Variants in IPCEF1 observed in about 807,000 individuals in gnomAD.
IPCEF1 encodes interactor protein for cytohesin exchange factors 1.
In IPCEF1, 31 loss-of-function variants were observed where a neutral mutation model predicts 50.9. That is an observed-to-expected ratio of 0.61 (90% CI 0.46 to 0.82). IPCEF1 has a LOEUF of 0.82. Ranked by LOEUF, IPCEF1 falls within the 40% of genes least tolerant of loss-of-function variation. The pLI is 0.00. For missense variants in IPCEF1, 458 were observed against 514.0 expected, an observed-to-expected ratio of 0.89 and a Z score of 1.05; for synonymous variants, 181 against 192.0, an observed-to-expected ratio of 0.94 and a Z score of 0.47.
chr6:154,228,459 T>A (rs1779446045), intron 5 of IPCEF1, among the ~76,000 whole-genome samples: 1 of 152,222 alleles, frequency 6.6e-6, no homozygotes, highest in Non-Finnish European at 1.5e-5. Context: ...TAGTCTTAAA[T>A]TCAGAAGAAA....
At chr6:154,255,829 A>C (rs2128648349) in intron 3 of IPCEF1, among the ~76,000 whole-genome samples, 1 of 152,298 alleles carries the variant, frequency 6.6e-6, no homozygotes, top group East Asian at 1.9e-4. Context: ...ATTGCAAGAA[A>C]GGTATTTTCT....
intron 3 of IPCEF1, among the ~76,000 whole-genome samples, chr6:154,249,021 T>C (rs1359575157): frequency 6.6e-6 from 1 of 152,188 alleles, no homozygotes; most frequent in Non-Finnish European, 1.5e-5. Context: ...CCAAGAAATA[T>C]TGCACTGACA....
intron 1 of IPCEF1, among the ~76,000 whole-genome samples, chr6:154,293,085 G>A (rs763935867): frequency 6.6e-6 from 1 of 152,160 alleles, no homozygotes; most frequent in African/African-American, 2.4e-5. Flanking sequence ...CCTCACAATC[G>A]CAGTGCTGTT....
At chr6:154,189,470 G>GA (rs1801671713) in intron 10 of IPCEF1, among the ~76,000 whole-genome samples, 1 of 151,750 alleles carries the variant, frequency 6.6e-6, no homozygotes, top group East Asian at 1.9e-4. Context: ...GCCACAGACT[G>GA]AAAGAAAAAA....
intron 5 of IPCEF1, among the ~76,000 whole-genome samples, chr6:154,233,923 G>A (rs77487994): frequency 2.0e-5 from 3 of 152,154 alleles, no homozygotes; most frequent in Non-Finnish European, 4.4e-5. Context: ...AATGCCCCCA[G>A]CTAGGCCGGA....
intron 2 of IPCEF1, among the ~76,000 whole-genome samples, chr6:154,276,879 C>CACTT (rs1363279958): frequency 1.3e-5 from 2 of 152,152 alleles, no homozygotes; most frequent in African/African-American, 4.8e-5. Context: ...AACTTTAGGA[C>CACTT]AAGTTAGAAT....
chr6:154,333,543 T>C (rs113656642), intron 1 of IPCEF1, among the ~76,000 whole-genome samples: 6,350 of 151,482 alleles, frequency 0.042, 187 homozygotes, highest in African/African-American at 0.077. Flanking sequence ...ACTTAATAAA[T>C]TCCCCTTTAT....
chr6:154,175,504 C>T (rs1460024385), intron 10 of IPCEF1, among the ~76,000 whole-genome samples: 1 of 151,824 alleles, frequency 6.6e-6, no homozygotes, highest in African/African-American at 2.4e-5. Context: ...CCACCAATCC[C>T]ACAGAAATAC....
At chr6:154,206,817 G>A (rs112986053) in intron 9 of IPCEF1, among the ~76,000 whole-genome samples, 9 of 152,350 alleles carry the variant, frequency 5.9e-5, no homozygotes, top group African/African-American at 2.2e-4. Flanking sequence ...AGGTACGAGG[G>A]CAGGAATGTC....
intron 1 of IPCEF1, among the ~76,000 whole-genome samples, chr6:154,352,408 C>T (rs1402773829): frequency 6.6e-6 from 1 of 152,180 alleles, no homozygotes. Context: ...TCTAACTTGA[C>T]TTAGTTTTCC....
chr6:154,239,972 G>A (rs983496689), intron 5 of IPCEF1, among the ~76,000 whole-genome samples: 1 of 152,192 alleles, frequency 6.6e-6, no homozygotes, highest in Non-Finnish European at 1.5e-5. Flanking sequence ...AAAGTGCTGG[G>A]ACTACAGGCG....
chr6:154,320,728 C>T lies in IPCEF1; in HGVS notation c.-61-30972G>A, dbSNP rs1391361839. Among the ~76,000 whole-genome samples the T allele has an allele frequency of 3.3e-5, 5 of 152,038 alleles. No homozygotes were observed. In the East Asian group the frequency reaches 5.8e-4, roughly 18 times the overall value. The stretch of plus-strand genomic sequence containing the variant: ...CCAAACAAAACTGTATATACATGGC[C>T]GGGCACTGTGGTACGAGCCTGTGAT... On this transcript the variant is annotated intron_variant, in intron 1 of 11. Transcript: ENST00000367220.
chr6:154,307,815 T>C (rs1255613780), intron 1 of IPCEF1, among the ~76,000 whole-genome samples: 1 of 151,986 alleles, frequency 6.6e-6, no homozygotes, highest in African/African-American at 2.4e-5. Flanking sequence ...AAAAACAGAG[T>C]AAAAATGAAT....
At chr6:154,269,262 G>T (rs942209491) in intron 2 of IPCEF1, among the ~76,000 whole-genome samples, 6 of 152,184 alleles carry the variant, frequency 3.9e-5, no homozygotes, top group Non-Finnish European at 8.8e-5. Context: ...CCATTAGAAA[G>T]CTCCTTCCCA....
At chr6:154,225,200 G>A (rs545389038) in intron 5 of IPCEF1, among the ~76,000 whole-genome samples, 81 of 152,246 alleles carry the variant, frequency 5.3e-4, no homozygotes, top group African/African-American at 1.9e-3. Flanking sequence ...TCATGTTGGT[G>A]CTCAAAAACT....
At chr6:154,210,104 C>A (rs965657199) in intron 9 of IPCEF1, among the ~76,000 whole-genome samples, 24 of 152,056 alleles carry the variant, frequency 1.6e-4, no homozygotes, top group African/African-American at 5.6e-4. Flanking sequence ...GAGCCATGAC[C>A]CCTTGTCTAA....
At chr6:154,169,467 G>A (rs756942229) in intron 10 of IPCEF1, among the ~76,000 whole-genome samples, 7 of 152,130 alleles carry the variant, frequency 4.6e-5, no homozygotes, top group Non-Finnish European at 1.0e-4. Flanking sequence ...CATGCAAGTC[G>A]ACAAATATCT....
At chr6:154,283,466 T>C (rs550564564) in intron 2 of IPCEF1, among the ~76,000 whole-genome samples, 163 of 147,786 alleles carry the variant, frequency 1.1e-3, no homozygotes, top group African/African-American at 3.8e-3. Context: ...GGTGCGGTGG[T>C]GGGCCCCTGT....
At chr6:154,191,672 TCAACAACAACAA>T (rs140096033) in intron 10 of IPCEF1, among the ~76,000 whole-genome samples, 18,935 of 149,626 alleles carry the variant, frequency 0.13, 1,482 homozygotes, top group African/African-American at 0.22. Context: ...AGACTTTGCC[TCAACAACAACAA>T]CAACAACAAC....
Sources: gnomAD v4.1 joint callset for allele counts (sites outside exome capture counted in the v4.1 genomes callset) on GRCh38, gnomAD v4.1.1 for gene constraint, MANE v1.5 for transcripts, NCBI Gene and HGNC (gene_info 2026-07-23, HGNC 2026-07-21) for gene names.